LRIG1: variants seen among roughly 807,000 people sequenced by gnomAD.
The protein encoded by LRIG1 is leucine rich repeats and immunoglobulin like domains 1.
A neutral mutation model predicts 99.2 loss-of-function variants in LRIG1; 48 were observed. The observed-to-expected ratio is 0.48, with a 90% CI of 0.38 to 0.62. LRIG1 has a LOEUF of 0.62. Ranked by LOEUF, LRIG1 falls within the 20% of genes least tolerant of loss-of-function variation. LRIG1 has a pLI of 0.00. For missense variants in LRIG1, 1,646 were observed against 1,434.4 expected, an observed-to-expected ratio of 1.15 and a Z score of -2.38; for synonymous variants, 772 against 596.1, an observed-to-expected ratio of 1.29 and a Z score of -4.30.
chr3:66,412,312 G>C (rs1702491831), intron 6 of LRIG1, among the ~76,000 whole-genome samples: 1 of 152,224 alleles, frequency 6.6e-6, no homozygotes, highest in Admixed American at 6.5e-5. Context: ...CCTGTGGTCA[G>C]GAGTGGAGAG....
At chr3:66,406,043 T>C in intron 8 of LRIG1, 1 of 987,408 alleles carries the variant, frequency 1.0e-6, no homozygotes, top group Non-Finnish European at 1.2e-6. Flanking sequence ...TCTTGGTTCT[T>C]AAATTTTCCC....
rs1406826201 is a variant in LRIG1, at chr3:66,500,345, G to A, written c.63C>T (p.Leu21=). ...APRRSPCLLL[L]WLLLLRLEPV... is the part of the protein sequence containing the mutation. ...GCTCCAGCCGAAGCAAAAGCAGCCA[G>A]AGAAGGAGAAGGCAAGGCGAGCGGC... The change falls in exon 1 of 19, where the codon CTC becomes CTT. Residue 21 remains leucine (L), a synonymous_variant. Transcript: ENST00000273261. 4 of 1,494,902 alleles carry A rather than the reference G, an allele frequency of 2.7e-6. No homozygotes were observed. The highest frequency in any genetic ancestry group is 2.7e-5 in the East Asian group (1 of 37,080). 92.6% of individuals were successfully genotyped at this position (1,494,902 alleles called of 1,614,324 possible). A position where few individuals can be genotyped will look rare whatever the true frequency, so the allele number is the denominator to read the frequency against.
rs1700950990 is a variant in LRIG1, at chr3:66,380,183, T to G, written c.*80A>C. On this transcript the variant is annotated 3_prime_UTR_variant, in exon 19 of 19. Transcript: ENST00000273261. ...CAACTATGTACAGATGAGTGACGCT[T>G]GAACCCAAGCTTCCTCGCAGCCTCT... 8 of 1,210,186 alleles carry G rather than the reference T, an allele frequency of 6.6e-6. No individual in the cohort carries two copies. In the East Asian group the frequency reaches 1.2e-4, roughly 18 times the overall value. 75.0% of individuals were successfully genotyped at this position (1,210,186 alleles called of 1,614,324 possible).
At position 66,386,165 on chromosome 3, in the gene LRIG1, T is replaced by C; in HGVS notation, c.1605A>G (p.Glu535=). ...TCTCCATGTCTGCATTGGTCAGGAC[T>C]TCATTGTCTTTCTTCCAGGCAAAGG... The part of the protein sequence containing the change: ...PMTFAWKKDN[E]VLTNADMENF... Residue 535 remains glutamate, a synonymous_variant, in exon 13 of 19, where the codon GAA becomes GAG. Coordinates refer to ENST00000273261, the MANE Select transcript of LRIG1 (RefSeq NM_015541.3). 3 of 1,614,120 alleles carry C rather than the reference T, an allele frequency of 1.9e-6. No homozygotes were observed. Among genetic ancestry groups the C allele is most frequent in the Non-Finnish European group, 2.5e-6 (3 of 1,180,004 alleles).
chr3:66,417,182 G>A lies in LRIG1; in HGVS notation c.450C>T (p.Asn150=). ...AGCAGGTGTTCCGCACTTCCGTGAT[G>A]TTGTTCAAACTCAGATCTAACACTT... ...SLEVLDLSLN[N]ITEVRNTCFP... Residue 150 remains asparagine (N), a synonymous_variant, in exon 4 of 19, where the codon AAC becomes AAT. Coordinates refer to ENST00000273261, the MANE Select transcript of LRIG1 (RefSeq NM_015541.3). 1 of 1,614,210 alleles carries A rather than the reference G, an allele frequency of 6.2e-7. No homozygotes were observed. Among genetic ancestry groups the A allele is most frequent in the Non-Finnish European group, 8.5e-7 (1 of 1,180,040 alleles).
rs1253315268 is a variant in LRIG1, at chr3:66,379,164, A to C, written c.*1099T>G. 2 of 152,672 alleles carry C rather than the reference A, an allele frequency of 1.3e-5. No individual in the cohort carries two copies. The highest frequency in any genetic ancestry group is 4.8e-5 in the African/African-American group (2 of 41,462). The allele number at this position is 152,672 out of a possible 1,614,324, so 9.5% of individuals were successfully genotyped here. ...TTTACTAAATGACACATTGGCACTC[A>C]TAAGATGGTTAGCTACCAGTCTCAA... On this transcript the variant is annotated 3_prime_UTR_variant, in exon 19 of 19. Transcript: ENST00000273261.
intron 14 of LRIG1, among the ~76,000 whole-genome samples, chr3:66,383,780 AAG>A (rs765799799): frequency 6.6e-6 from 1 of 152,164 alleles, no homozygotes; most frequent in Non-Finnish European, 1.5e-5. Context: ...AAACCCTATG[AAG>A]ACTCTTAATT....
chr3:66,444,771 GAAGA>G (rs1703660229), intron 3 of LRIG1, among the ~76,000 whole-genome samples: 1 of 152,148 alleles, frequency 6.6e-6, no homozygotes, highest in African/African-American at 2.4e-5. Flanking sequence ...GTTTTATCCA[GAAGA>G]AACAATCAGT....
intron 3 of LRIG1, among the ~76,000 whole-genome samples, chr3:66,442,448 G>GGGAGGAGGA (rs138317719): frequency 7.9e-5 from 12 of 151,664 alleles, no homozygotes; most frequent in South Asian, 2.1e-4. Context: ...AGTGAGGAGG[G>GGGAGGAGGA]GGAGGAGGAG....
At chr3:66,380,920 A>T in intron 17 of LRIG1, 59 bp from the exon 18 acceptor site, 1 of 1,561,160 alleles carries the variant, frequency 6.4e-7, no homozygotes, top group African/African-American at 1.4e-5. Context: ...TCGTCCCCAC[A>T]CAGAGGACAG....
chr3:66,438,174 G>A (rs1312222650), intron 3 of LRIG1, among the ~76,000 whole-genome samples: 1 of 152,154 alleles, frequency 6.6e-6, no homozygotes, highest in Non-Finnish European at 1.5e-5. Flanking sequence ...GCCCAGATTT[G>A]GCACCGGACC....
intron 1 of LRIG1, among the ~76,000 whole-genome samples, chr3:66,480,910 A>G (rs1700836159): frequency 6.6e-6 from 1 of 152,224 alleles, no homozygotes; most frequent in Non-Finnish European, 1.5e-5. Flanking sequence ...TAAGATTAAG[A>G]TCTAACCCTT....
intron 3 of LRIG1, among the ~76,000 whole-genome samples, chr3:66,441,070 G>A (rs1000300820): frequency 5.5e-4 from 83 of 152,016 alleles, no homozygotes; most frequent in Admixed American, 2.8e-3. Context: ...AGCTGTCCCC[G>A]AGGAAAAAAA....
chr3:66,415,031 T>C lies in LRIG1; in HGVS notation c.536A>G (p.Glu179Gly). 3 of 1,609,920 alleles carry C rather than the reference T, an allele frequency of 1.9e-6. No homozygotes were observed. Among genetic ancestry groups the C allele is most frequent in the Non-Finnish European group, 2.5e-6 (3 of 1,178,490 alleles). Reference sequence around the variant, plus strand: ...TGACAGACCATCAAATGCTCCCAACTCCAGGGTGCCAATCCGATTGCCTGC... The same window carrying C: ...TGACAGACCATCAAATGCTCCCAACCCCAGGGTGCCAATCCGATTGCCTGC... ...NLAGNRIGTL[E>G]LGAFDGLSRS... Residue 179 changes from glutamate to glycine, a missense_variant, in exon 5 of 19, where the codon GAG becomes GGG. Glu to Gly is a moderately conservative substitution (Grantham distance 98). Coordinates refer to ENST00000273261, the MANE Select transcript of LRIG1 (RefSeq NM_015541.3).
intron 18 of LRIG1, 41 bp from the exon 19 acceptor site, chr3:66,380,530 G>GT: frequency 6.2e-7 from 1 of 1,613,616 alleles, no homozygotes; most frequent in South Asian, 1.1e-5. Context: ...CCACTTGACC[G>GT]TTTAAGCAGC....
At chr3:66,384,415 C>A in intron 13 of LRIG1, 143 bp from the exon 14 acceptor site, 2 of 867,896 alleles carry the variant, frequency 2.3e-6, no homozygotes, top group South Asian at 1.6e-5. Flanking sequence ...CCACTCCTGC[C>A]ACCTGTGAAT....
chr3:66,395,620 T>C (rs1701816522), intron 11 of LRIG1, among the ~76,000 whole-genome samples: 1 of 152,254 alleles, frequency 6.6e-6, no homozygotes, highest in African/African-American at 2.4e-5. Flanking sequence ...TTTGCATTTT[T>C]ATTTCACGGG....
At chr3:66,392,855 G>C (rs1369951728) in intron 12 of LRIG1, among the ~76,000 whole-genome samples, 1 of 152,198 alleles carries the variant, frequency 6.6e-6, no homozygotes, top group Non-Finnish European at 1.5e-5. Context: ...ATGAACAATG[G>C]ATTATACAGC....
intron 4 of LRIG1, among the ~76,000 whole-genome samples, chr3:66,416,814 A>G (rs58787762): frequency 3.3e-5 from 5 of 152,234 alleles, no homozygotes; most frequent in African/African-American, 7.2e-5. Context: ...AATGGGAAAA[A>G]AAGCAGGCTT....
Sources: gnomAD v4.1 joint callset for allele counts (sites outside exome capture counted in the v4.1 genomes callset) on GRCh38, gnomAD v4.1.1 for gene constraint, MANE v1.5 for transcripts, NCBI Gene and HGNC (gene_info 2026-07-23, HGNC 2026-07-21) for gene names.